GLDC: variants seen among roughly 807,000 people sequenced by gnomAD.
GLDC encodes the protein glycine decarboxylase.
A neutral mutation model predicts 121.3 loss-of-function variants in GLDC; 104 were observed. The observed-to-expected ratio is 0.86, with a 90% CI of 0.73 to 1.01. The LOEUF (loss-of-function observed/expected upper bound fraction) is 1.01. Among genes scored for constraint, GLDC ranks in the 50% least tolerant of loss-of-function variants. The pLI is 0.00. For missense variants in GLDC, 1,429 were observed against 1,306.6 expected (o/e 1.09, Z -1.44); for synonymous variants, 546 against 480.6 (o/e 1.14, Z -1.78).
chr9:6,608,257 CAA>C (rs113175145), intron 4 of GLDC, among the ~76,000 whole-genome samples: 1 of 128,912 alleles, frequency 7.8e-6, no homozygotes. Context: ...ACTAAAAATA[CAA>C]AAAAAAAAAA....
At chr9:6,639,473 G>A (rs1819581228) in intron 2 of GLDC, 1 of 895,566 alleles carries the variant, frequency 1.1e-6, no homozygotes, top group Non-Finnish European at 1.9e-6. Flanking sequence ...AGATTAAACA[G>A]GCTGTGAAGA....
intron 15 of GLDC, among the ~76,000 whole-genome samples, chr9:6,571,338 C>T (rs1817962148): frequency 6.6e-6 from 1 of 152,106 alleles, no homozygotes; most frequent in African/African-American, 2.4e-5. Flanking sequence ...CCTATACATA[C>T]ATACCTATGA....
chr9:6,599,509 TC>T (rs1818556911), intron 8 of GLDC, among the ~76,000 whole-genome samples: 1 of 151,838 alleles, frequency 6.6e-6, no homozygotes, highest in South Asian at 2.1e-4. Context: ...GATCATGAGA[TC>T]AGGAGTTCGA....
rs769847981 is a variant in GLDC at position 6,558,528 on chromosome 9, C to G, written c.2052+31G>C. 3 of 1,613,154 alleles carry G rather than the reference C, an allele frequency of 1.9e-6. No homozygotes were observed. The South Asian group carries it at 3.3e-5, about 18-fold the overall frequency. On this transcript the variant is annotated intron_variant, in intron 17 of 24. Transcript: ENST00000321612. Reference sequence around the variant, plus strand: ...CCCCACCAGCACTCCCCATCCCGGCCTCTCCCATCTGCTAAGGAGAAGACA... The same window carrying G: ...CCCCACCAGCACTCCCCATCCCGGCGTCTCCCATCTGCTAAGGAGAAGACA...
intron 15 of GLDC, among the ~76,000 whole-genome samples, chr9:6,572,264 C>T (rs1255121063): frequency 1.3e-5 from 2 of 152,184 alleles, no homozygotes; most frequent in Non-Finnish European, 2.9e-5. Flanking sequence ...CTGCAAACTA[C>T]CATAGCCAAC....
At chr9:6,581,726 G>T (rs548855719) in intron 15 of GLDC, among the ~76,000 whole-genome samples, 1 of 152,280 alleles carries the variant, frequency 6.6e-6, no homozygotes, top group East Asian at 1.9e-4. Flanking sequence ...AGTGGATAAA[G>T]GTTAGACTAT....
At chr9:6,534,591 T>C in intron 24 of GLDC, 117 bp downstream of exon 24, 1 of 696,422 alleles carries the variant, frequency 1.4e-6, no homozygotes, top group African/African-American at 1.8e-5. Context: ...AAGACCCTTA[T>C]TTCACAAGGT....
chr9:6,613,097 T>C (rs1219388925), intron 3 of GLDC, among the ~76,000 whole-genome samples: 1 of 152,226 alleles, frequency 6.6e-6, no homozygotes, highest in Non-Finnish European at 1.5e-5. Flanking sequence ...CTTTTTATTG[T>C]ATGTTCCAAA....
chr9:6,537,338 G>T (rs1817149748), intron 22 of GLDC, among the ~76,000 whole-genome samples: 1 of 152,142 alleles, frequency 6.6e-6, no homozygotes, highest in Admixed American at 6.6e-5. Flanking sequence ...TTTAAAAGCT[G>T]AAGAACAACT....
At chr9:6,547,925 T>C (rs1046515496) in intron 21 of GLDC, among the ~76,000 whole-genome samples, 4 of 151,778 alleles carry the variant, frequency 2.6e-5, no homozygotes, top group Non-Finnish European at 2.9e-5. Flanking sequence ...AGCAGAGGAG[T>C]TCAAGACCAA....
At chr9:6,554,845 G>T in intron 18 of GLDC, 64 bp from the exon 19 acceptor site, 2 of 1,174,660 alleles carry the variant, frequency 1.7e-6, no homozygotes, top group African/African-American at 1.5e-5. Context: ...CAGTGTGAAG[G>T]CCATGGCTGG....
chr9:6,620,225 C>T lies in GLDC; in HGVS notation c.429G>A (p.Val143=), dbSNP rs771446673. The T allele has an allele frequency of 2.5e-6, 4 of 1,613,684 alleles. No homozygotes were observed. The highest frequency in any genetic ancestry group is 2.2e-5 in the East Asian group (1 of 44,884). ...GTAAGTTCCGCAAAATCGTCTGTGG[C>T]ACTGAGCAGTTATAATAGCCCATGC... is the stretch of plus-strand genomic sequence containing the variant. ...YIGMGYYNCS[V]PQTILRNLLE... Residue 143 remains valine, a synonymous_variant, in exon 3 of 25, where the codon GTG becomes GTA. Transcript: ENST00000321612.
intron 8 of GLDC, among the ~76,000 whole-genome samples, chr9:6,598,973 G>C (rs1414054068): frequency 2.6e-5 from 4 of 152,086 alleles, no homozygotes; most frequent in Non-Finnish European, 5.9e-5. Context: ...CTGAGGTCAG[G>C]AGTTCGAGAC....
chr9:6,610,262 G>T lies in GLDC; in HGVS notation c.565C>A (p.Leu189Met). ...YQTMVCDITG[L>M]DMANASLLDE... is the part of the protein sequence containing the mutation. The stretch of plus-strand genomic sequence containing the variant: ...AGCAGGGATGCATTGGCCATGTCCA[G>T]GCCTGTGATGTCACACACCATGGTC... The change falls in exon 4 of 25, where the codon CTG becomes ATG. Residue 189 changes from leucine (L) to methionine (M), a missense_variant. Coordinates refer to ENST00000321612, the MANE Select transcript of GLDC (RefSeq NM_000170.3). 1 of 1,614,028 alleles carries T rather than the reference G, an allele frequency of 6.2e-7. No homozygotes were observed. Among genetic ancestry groups the T allele is most frequent in the Non-Finnish European group, 8.5e-7 (1 of 1,179,936 alleles).
chr9:6,629,376 G>A (rs930845651), intron 2 of GLDC, among the ~76,000 whole-genome samples: 5 of 151,682 alleles, frequency 3.3e-5, no homozygotes, highest in South Asian at 2.1e-4. Context: ...CACCATGCCC[G>A]GCTAATTTTT....
At position 6,589,309 on chromosome 9, in the gene GLDC, G is replaced by A. The variant is rs1254980532; in HGVS notation, c.1483-17C>T. ...AACCAGTTCCTGAAGGAGAAACACA[G>A]AGATGATAGGGCCAGAACTGTGCCT... On this transcript the variant is annotated splice_polypyrimidine_tract_variant and intron_variant, in intron 11 of 24. Transcript: ENST00000321612. 6 of 1,487,038 alleles carry A rather than the reference G, an allele frequency of 4.0e-6. No individual in the cohort carries two copies. Among genetic ancestry groups the A allele is most frequent in the East Asian group, 2.3e-5 (1 of 44,256 alleles). The allele number at this position is 1,487,038 out of a possible 1,614,324, so 92.1% of individuals were successfully genotyped here.
intron 7 of GLDC, among the ~76,000 whole-genome samples, chr9:6,603,856 A>G (rs936678613): frequency 2.0e-5 from 3 of 151,524 alleles, no homozygotes; most frequent in African/African-American, 4.9e-5. Context: ...CTGCCTCCCA[A>G]GTAGCTGGGA....
At chr9:6,642,184 C>A (rs769266654) in intron 2 of GLDC, among the ~76,000 whole-genome samples, 9 of 152,164 alleles carry the variant, frequency 5.9e-5, no homozygotes, top group Non-Finnish European at 1.3e-4. Context: ...CTGCGTGAAT[C>A]ATCCCAAACT....
chr9:6,566,872 C>T lies in GLDC; in HGVS notation c.1851-1443G>A, dbSNP rs555272432. 5.9e-5 allele frequency among the ~76,000 whole-genome samples: 9 copies of T among 152,270 alleles called. No homozygotes were observed. The South Asian group carries it at 1.0e-3, about 18-fold the overall frequency. On this transcript the variant is annotated intron_variant, in intron 15 of 24. Coordinates refer to ENST00000321612, the MANE Select transcript of GLDC (RefSeq NM_000170.3). ...AAGAATTTTAAAAAATGTGTATGTTCTCCATGCCATCACCCCCATTTTGCA... is the reference window on the plus strand; with the variant it reads ...AAGAATTTTAAAAAATGTGTATGTTTTCCATGCCATCACCCCCATTTTGCA...
Sources: gnomAD v4.1 joint callset for allele counts (sites outside exome capture counted in the v4.1 genomes callset) on GRCh38, gnomAD v4.1.1 for gene constraint, MANE v1.5 for transcripts, NCBI Gene and HGNC (gene_info 2026-07-23, HGNC 2026-07-21) for gene names.